Variants in RANBP2 observed in about 807,000 individuals in gnomAD.
The protein encoded by RANBP2 is E3 SUMO-protein ligase RanBP2.
RANBP2 carries 57 observed loss-of-function variants against 303.6 expected under a neutral mutation model. The observed-to-expected ratio is 0.19, with a 90% confidence interval of 0.15 to 0.23. RANBP2 has a LOEUF of 0.23. Ranked by LOEUF, RANBP2 falls within the 10% of genes least tolerant of loss-of-function variation. The probability of loss-of-function intolerance (pLI) is 1.00; values close to 1 mark genes in which losing one functional copy is unlikely to be tolerated. For missense variants in RANBP2, 3,138 were observed against 3,780.8 expected, an observed-to-expected ratio of 0.83 and a Z score of 4.46; for synonymous variants, 1,167 against 1,301.5, an observed-to-expected ratio of 0.90 and a Z score of 2.23.
the RANBP2 span, among the ~76,000 whole-genome samples, chr2:109,076,881 T>C: frequency 6.7e-6 from 1 of 150,360 alleles, no homozygotes; most frequent in Non-Finnish European, 1.5e-5. Context: ...TTCTCAGAAA[T>C]AGGAAAACAA....
the RANBP2 span, among the ~76,000 whole-genome samples, chr2:108,977,521 C>T: frequency 1.3e-5 from 2 of 152,128 alleles, no homozygotes; most frequent in Admixed American, 6.6e-5. Flanking sequence ...CCGCCAGCCT[C>T]GGCCTCCCAA....
chr2:109,226,901 G>C, the RANBP2 span, among the ~76,000 whole-genome samples: 3 of 152,168 alleles, frequency 2.0e-5, no homozygotes, highest in Non-Finnish European at 4.4e-5. Context: ...AAAGCCGTGT[G>C]GTGGCCCAGA....
the RANBP2 span, among the ~76,000 whole-genome samples, chr2:109,646,079 C>T: frequency 1.3e-5 from 2 of 152,182 alleles, no homozygotes; most frequent in African/African-American, 4.8e-5. Flanking sequence ...AACCTTCCCT[C>T]CTCCGGCATT....
rs1409848910 is a variant in RANBP2, at chr2:108,782,059, G to C, written c.8761-69G>C. 5 of 1,564,216 alleles carry C rather than the reference G, an allele frequency of 3.2e-6. No homozygotes were observed. The Admixed American group carries it at 9.4e-5, about 29-fold the overall frequency. ...AAAGAAAATGCCTTAAAAGAATTTG[G>C]ATCTTTGAAATTTGTCATGGAATTT... On this transcript the variant is annotated intron_variant, in intron 26 of 28. Transcript: ENST00000283195.
At chr2:109,117,114 G>A in the RANBP2 span, among the ~76,000 whole-genome samples, 5 of 152,226 alleles carry the variant, frequency 3.3e-5, no homozygotes, top group South Asian at 2.1e-4. Context: ...CAGTCTGCCC[G>A]TTCTCAGATC....
chr2:109,355,661 G>A, the RANBP2 span, among the ~76,000 whole-genome samples: 2 of 152,304 alleles, frequency 1.3e-5, no homozygotes, highest in South Asian at 4.1e-4. Context: ...GCCATTGGGA[G>A]CCTCTGGTAT....
At chr2:109,685,059 G>C in the RANBP2 span, among the ~76,000 whole-genome samples, 7 of 151,456 alleles carry the variant, frequency 4.6e-5, no homozygotes, top group African/African-American at 1.7e-4. Flanking sequence ...TTTTTGTAGA[G>C]ACAGGGTTTT....
the RANBP2 span, chr2:108,857,062 ATTGC>A: frequency 9.0e-6 from 1 of 110,722 alleles, no homozygotes; most frequent in Non-Finnish European, 1.6e-5. Flanking sequence ...ATCAGATACT[ATTGC>A]TTTTTTTTTT....
chr2:109,589,776 A>G, the RANBP2 span, among the ~76,000 whole-genome samples: 1 of 152,052 alleles, frequency 6.6e-6, no homozygotes, highest in African/African-American at 2.4e-5. Flanking sequence ...TAATGAAAAC[A>G]TATGTCCACC....
the RANBP2 span, among the ~76,000 whole-genome samples, chr2:108,793,649 T>G: frequency 7.3e-5 from 11 of 151,234 alleles, no homozygotes; most frequent in South Asian, 8.4e-4. Flanking sequence ...CAGGCTGGAG[T>G]GCAGTAGCGC....
chr2:109,654,130 G>A, the RANBP2 span, among the ~76,000 whole-genome samples: 1 of 151,958 alleles, frequency 6.6e-6, no homozygotes, highest in Admixed American at 6.6e-5. Flanking sequence ...AGGAAGCCTG[G>A]GTGGATTTGG....
chr2:108,834,281 C>T, the RANBP2 span, among the ~76,000 whole-genome samples: 2 of 149,708 alleles, frequency 1.3e-5, no homozygotes, highest in Admixed American at 6.6e-5. Context: ...GGCGCAATCT[C>T]GGCTCACTGC....
the RANBP2 span, chr2:109,615,081 C>T: frequency 6.5e-7 from 1 of 1,549,590 alleles, no homozygotes; most frequent in Non-Finnish European, 8.7e-7. Context: ...GGCTACCGCA[C>T]AGAGGCCGGC....
At chr2:109,298,757 C>T in the RANBP2 span, among the ~76,000 whole-genome samples, 5 of 152,274 alleles carry the variant, frequency 3.3e-5, no homozygotes, top group African/African-American at 9.6e-5. Context: ...CTGATCTAAC[C>T]TTCTTCCACC....
At chr2:108,854,035 A>ATT in the RANBP2 span, among the ~76,000 whole-genome samples, 2 of 108,710 alleles carry the variant, frequency 1.8e-5, no homozygotes, top group African/African-American at 8.2e-5. Flanking sequence ...TATATTATAT[A>ATT]TAATATATAA....
the RANBP2 span, among the ~76,000 whole-genome samples, chr2:109,473,898 T>G: frequency 6.6e-6 from 1 of 152,144 alleles, no homozygotes; most frequent in African/African-American, 2.4e-5. Flanking sequence ...TGCCCCTTGA[T>G]CATCAGCAGT....
chr2:109,291,229 C>T, the RANBP2 span, among the ~76,000 whole-genome samples: 1 of 151,828 alleles, frequency 6.6e-6, no homozygotes, highest in Non-Finnish European at 1.5e-5. Context: ...TGGAGAAATG[C>T]CAGAAAGCAA....
the RANBP2 span, among the ~76,000 whole-genome samples, chr2:109,272,029 G>C: frequency 6.6e-6 from 1 of 152,174 alleles, no homozygotes; most frequent in East Asian, 1.9e-4. Flanking sequence ...TTGACACTGA[G>C]TGACATTGGG....
At chr2:109,626,186 G>A in the RANBP2 span, among the ~76,000 whole-genome samples, 1 of 152,062 alleles carries the variant, frequency 6.6e-6, no homozygotes, top group African/African-American at 2.4e-5. Flanking sequence ...ACATCCAAAT[G>A]CCCCTGAGAA....
Sources: allele counts gnomAD v4.1 joint callset (sites outside exome capture counted in the v4.1 genomes callset), GRCh38; gene constraint gnomAD v4.1.1; transcripts MANE v1.5; gene names NCBI Gene and HGNC (gene_info 2026-07-23, HGNC 2026-07-21).